The following BACE2 variants were observed in gnomAD, a reference collection of about 807,000 sequenced individuals.
BACE2 encodes the protein 56 kDa aspartic-like protease.
Under a neutral mutation model 46.2 loss-of-function variants are expected in BACE2, and 17 were observed. That is an observed-to-expected ratio of 0.37 (90% CI 0.25 to 0.55). The LOEUF is 0.55. Among genes scored for constraint, BACE2 ranks in the 20% least tolerant of loss-of-function variants. BACE2 has a pLI of 0.82. For missense variants in BACE2, 595 were observed against 698.1 expected, an observed-to-expected ratio of 0.85 and a Z score of 1.66; for synonymous variants, 277 against 295.9, an observed-to-expected ratio of 0.94 and a Z score of 0.66.
intron 2 of BACE2, among the ~76,000 whole-genome samples, chr21:41,231,433 T>A (rs1288027141): frequency 6.6e-6 from 1 of 152,108 alleles, no homozygotes; most frequent in Non-Finnish European, 1.5e-5. Flanking sequence ...CAGAATTCTT[T>A]AGGAGACTCA....
At chr21:41,219,862 C>A (rs933814668) in intron 1 of BACE2, among the ~76,000 whole-genome samples, 1 of 152,242 alleles carries the variant, frequency 6.6e-6, no homozygotes, top group African/African-American at 2.4e-5. Context: ...CACCAACAAA[C>A]AATCGATCGG....
intron 1 of BACE2, among the ~76,000 whole-genome samples, chr21:41,214,003 C>T (rs1986378226): frequency 6.6e-6 from 1 of 152,196 alleles, no homozygotes; most frequent in African/African-American, 2.4e-5. Context: ...TCACACCTTG[C>T]TGGCTAAAAT....
At position 41,168,316 on chromosome 21, in the gene BACE2, T is replaced by TGCGCGCCGCCCCGGAGCTGGCCCCC; in HGVS notation, c.58_82dup (p.Pro28ArgfsTer91). 2.3e-6 allele frequency: 3 copies of TGCGCGCCGCCCCGGAGCTGGCCCCC among 1,331,230 alleles called. No homozygotes were observed. Among genetic ancestry groups the TGCGCGCCGCCCCGGAGCTGGCCCCC allele is most frequent in the Non-Finnish European group, 2.9e-6 (3 of 1,041,068 alleles). The allele number at this position is 1,331,230 out of a possible 1,614,324, so 82.5% of individuals were successfully genotyped here. A position where few individuals can be genotyped will look rare whatever the true frequency, so the allele number is the denominator to read the frequency against. ...CTGCCTCTGCTGGCCCAGTGGCTCC[T>TGCGCGCCGCCCCGGAGCTGGCCCCC]GCGCGCCGCCCCGGAGCTGGCCCCC... On this transcript the variant is annotated frameshift_variant, in exon 1 of 9. Coordinates refer to ENST00000330333, the MANE Select transcript of BACE2 (RefSeq NM_012105.5). LOFTEE classifies it high-confidence loss of function.
At position 41,243,425 on chromosome 21, in the gene BACE2, C is replaced by A. The variant is rs1250827032; in HGVS notation, c.797C>A (p.Thr266Asn). Residue 266 changes from threonine to asparagine, a missense_variant, in exon 5 of 9, where the codon ACC becomes AAC. Coordinates refer to ENST00000330333, the MANE Select transcript of BACE2 (RefSeq NM_012105.5). The part of the protein sequence containing the change: ...PSLYKGDIWY[T>N]PIKEEWYYQI... ...TTGTATAAAGGAGACATCTGGTATACCCCTATTAAGGAAGAGTGGTACTAC... is the reference window on the plus strand; with the variant it reads ...TTGTATAAAGGAGACATCTGGTATAACCCTATTAAGGAAGAGTGGTACTAC... 6.2e-7 allele frequency: 1 copy of A among 1,612,198 alleles called. No individual in the cohort carries two copies. The highest frequency in any genetic ancestry group is 8.5e-7 in the Non-Finnish European group (1 of 1,179,162).
intron 1 of BACE2, among the ~76,000 whole-genome samples, chr21:41,217,882 C>A (rs548005681): frequency 6.6e-6 from 1 of 152,330 alleles, no homozygotes; most frequent in South Asian, 2.1e-4. Context: ...ATGACACAGC[C>A]TGAGGGCTGC....
intron 2 of BACE2, among the ~76,000 whole-genome samples, chr21:41,229,746 C>A (rs1986921886): frequency 6.6e-6 from 1 of 152,204 alleles, no homozygotes; most frequent in Admixed American, 6.5e-5. Context: ...TACCTGCTAG[C>A]CCTGTTTTGC....
chr21:41,235,933 C>G (rs758651379), intron 2 of BACE2, among the ~76,000 whole-genome samples: 44 of 152,212 alleles, frequency 2.9e-4, no homozygotes, highest in Admixed American at 8.5e-4. Flanking sequence ...CAAGACTGCA[C>G]TAGTTCATGT....
At chr21:41,211,816 GT>G (rs1234629523) in intron 1 of BACE2, among the ~76,000 whole-genome samples, 2 of 152,228 alleles carry the variant, frequency 1.3e-5, no homozygotes, top group Non-Finnish European at 2.9e-5. Context: ...GAATCGCCCA[GT>G]TTTTCCCTTT....
intron 3 of BACE2, 90 bp from the exon 4 acceptor site, chr21:41,241,729 A>G: frequency 8.8e-6 from 13 of 1,469,628 alleles, no homozygotes; most frequent in Non-Finnish European, 1.2e-5. Context: ...AAACACCAGG[A>G]ATGTCTGTGG....
At chr21:41,219,367 A>G (rs1289264495) in intron 1 of BACE2, among the ~76,000 whole-genome samples, 11 of 152,254 alleles carry the variant, frequency 7.2e-5, no homozygotes, top group Non-Finnish European at 1.5e-5. Context: ...AAAGAATAAA[A>G]GAAGAAACAT....
chr21:41,203,356 A>G lies in BACE2; in HGVS notation c.313-22910A>G, dbSNP rs572960252. On this transcript the variant is annotated intron_variant, in intron 1 of 8. Transcript: ENST00000330333. ...GGTGGGAGAGCAAGGTGCTTGGGGA[A>G]GGGTGTCCAGGCAGAAGGAAGAGCC... 1.5e-4 allele frequency among the ~76,000 whole-genome samples: 23 copies of G among 152,162 alleles called. 1 individual carries two copies. In the South Asian group the frequency reaches 4.6e-3, roughly 30 times the overall value.
At chr21:41,244,949 G>A (rs1162330633) in intron 5 of BACE2, among the ~76,000 whole-genome samples, 2 of 151,878 alleles carry the variant, frequency 1.3e-5, no homozygotes, top group Non-Finnish European at 2.9e-5. Flanking sequence ...GTGATTCTTA[G>A]ATTCTAGGTT....
At chr21:41,269,977 A>C (rs1163634807) in intron 8 of BACE2, among the ~76,000 whole-genome samples, 1 of 152,182 alleles carries the variant, frequency 6.6e-6, no homozygotes, top group Non-Finnish European at 1.5e-5. Flanking sequence ...TGAAAGTTCC[A>C]GTTGTTAAAC....
At chr21:41,253,441 C>CAAA (rs58206534) in intron 7 of BACE2, among the ~76,000 whole-genome samples, 16 of 113,180 alleles carry the variant, frequency 1.4e-4, no homozygotes, top group African/African-American at 2.1e-4. Flanking sequence ...GACTCCATCT[C>CAAA]AAAAAAAAAA....
At chr21:41,200,587 C>T (rs73222254) in intron 1 of BACE2, among the ~76,000 whole-genome samples, 19,989 of 152,120 alleles carry the variant, frequency 0.13, 1,775 homozygotes, top group African/African-American at 0.25. Flanking sequence ...CAAATTTATA[C>T]GTTGAAGTCC....
chr21:41,245,808 T>C (rs1166354754), intron 5 of BACE2, among the ~76,000 whole-genome samples, 154 bp from the exon 6 acceptor site: 1 of 152,234 alleles, frequency 6.6e-6, no homozygotes, highest in African/African-American at 2.4e-5. Flanking sequence ...GGTTCCCCAG[T>C]TCTGAGAACA....
In BACE2 at chr21:41,188,562, C is replaced by T. The variant is rs73364427; in HGVS notation, c.312+19987C>T. On this transcript the variant is annotated intron_variant, in intron 1 of 8. Transcript: ENST00000330333. Reference sequence around the variant, plus strand: ...GAGATGGTGGATTCCTACCCATCACCCCCCCAGACCCAGGGCTTACATACC... The same window carrying T: ...GAGATGGTGGATTCCTACCCATCACTCCCCCAGACCCAGGGCTTACATACC... Among the ~76,000 whole-genome samples the T allele has an allele frequency of 5.1e-3, 727 of 142,580 alleles. 8 individuals are homozygous for T. Among genetic ancestry groups the T allele is most frequent in the African/African-American group, 0.019 (668 of 35,916 alleles). The allele number at this position is 142,580 out of a possible 152,430, so 93.5% of individuals were successfully genotyped here. A position where few individuals can be genotyped will look rare whatever the true frequency, so the allele number is the denominator to read the frequency against.
At position 41,187,253 on chromosome 21, in the gene BACE2, G is replaced by A. The variant is rs545642584; in HGVS notation, c.312+18678G>A. Among the ~76,000 whole-genome samples, 8 of 152,334 alleles carry A rather than the reference G, an allele frequency of 5.3e-5. No homozygotes were observed. The South Asian group carries it at 1.7e-3, about 32-fold the overall frequency. On this transcript the variant is annotated intron_variant, in intron 1 of 8. Transcript: ENST00000330333. ...CACTCCCTCCTGCCAACCGTGGGTG[G>A]AGGGCAGCTCACAGGGGGTTCACTC...
Position 41,241,869 on chromosome 21 carries a change from C to T in BACE2, c.669C>T (p.Asn223=), listed in dbSNP as rs1253090534. ...TCGACTCCCTGGTGACACAAGCAAA[C>T]ATCCCCAACGTTTTCTCCATGCAGA... is the stretch of plus-strand genomic sequence containing the variant. ...TFFDSLVTQA[N]IPNVFSMQMC... Residue 223 remains asparagine, a synonymous_variant, in exon 4 of 9, where the codon AAC becomes AAT. Transcript: ENST00000330333. 6.2e-7 allele frequency: 1 copy of T among 1,614,074 alleles called. No individual in the cohort carries two copies. The highest frequency in any genetic ancestry group is 1.7e-5 in the Admixed American group (1 of 60,010).
Sources: allele counts gnomAD v4.1 joint callset (sites outside exome capture counted in the v4.1 genomes callset), GRCh38; gene constraint gnomAD v4.1.1; transcripts MANE v1.5; gene names NCBI Gene and HGNC (gene_info 2026-07-23, HGNC 2026-07-21).